Variants in YBX2 observed in about 807,000 individuals in gnomAD.
YBX2 encodes the protein Y-box binding protein 2, also known as Y-box-binding protein 2.
Under a neutral mutation model 44.4 loss-of-function variants are expected in YBX2, and 5 were observed. The observed-to-expected ratio is 0.11, with a 90% confidence interval of 0.06 to 0.24. YBX2 has a LOEUF of 0.24. Among genes scored for constraint, YBX2 ranks in the 10% least tolerant of loss-of-function variants. The probability of loss-of-function intolerance (pLI) is 1.00; values close to 1 mark genes in which losing one functional copy is unlikely to be tolerated. For synonymous variants in YBX2, 188 were observed against 216.1 expected (o/e 0.87, Z 1.14); for missense variants, 417 against 526.9 (o/e 0.79, Z 2.04).
intron 2 of YBX2, 185 bp downstream of exon 2, chr17:7,293,290 G>T: frequency 9.6e-7 from 1 of 1,044,650 alleles, no homozygotes; most frequent in Non-Finnish European, 1.4e-6. Context: ...CCTTGAAGAT[G>T]CGGAGGAGGC....
intron 7 of YBX2, 89 bp from the exon 8 acceptor site, chr17:7,288,927 A>G: frequency 6.5e-7 from 1 of 1,529,800 alleles, no homozygotes; most frequent in Non-Finnish European, 9.0e-7. Flanking sequence ...CAGTGGCGTG[A>G]TCTTGGCTCA....
intron 1 of YBX2, chr17:7,293,842 G>A: frequency 1.8e-6 from 1 of 552,258 alleles, no homozygotes; most frequent in Non-Finnish European, 3.2e-6. Flanking sequence ...TCTGCAAAGT[G>A]CCGCCCCCAG....
chr17:7,290,203 C>T lies in YBX2; in HGVS notation c.744+48G>A, dbSNP rs768874290. On this transcript the variant is annotated intron_variant, in intron 5 of 8. Transcript: ENST00000007699. ...ATGGTCTCTATCCTAACTCCCACTCCTCTCCTGAACTTGGGGAACTGGCTC... is the reference window on the plus strand; with the variant it reads ...ATGGTCTCTATCCTAACTCCCACTCTTCTCCTGAACTTGGGGAACTGGCTC... 6.2e-6 allele frequency: 10 copies of T among 1,607,410 alleles called. No individual in the cohort carries two copies. In the African/African-American group the frequency reaches 1.1e-4, roughly 17 times the overall value.
chr17:7,293,344 T>C (rs1350856019), intron 2 of YBX2, 131 bp downstream of exon 2: 1 of 1,519,784 alleles, frequency 6.6e-7, no homozygotes, highest in African/African-American at 1.4e-5. Context: ...GGTTAAAGGC[T>C]TTCAACCAGC....
intron 2 of YBX2, chr17:7,292,348 C>T (rs373507067): frequency 3.2e-5 from 14 of 433,748 alleles, no homozygotes; most frequent in African/African-American, 1.8e-4. Flanking sequence ...CTGCCCCTGC[C>T]GGGACTCCAC....
chr17:7,292,064 A>C lies in YBX2; in HGVS notation c.336-5T>G. On this transcript the variant is annotated splice_region_variant and splice_polypyrimidine_tract_variant and intron_variant, in intron 2 of 8. Transcript: ENST00000007699. The stretch of plus-strand genomic sequence containing the variant: ...ACATCTTCCTTGGTGTCATTCCTGC[A>C]GAACAGGATGGGTCGTTAAGGAAGG... 1 of 1,614,138 alleles carries C rather than the reference A, an allele frequency of 6.2e-7. No individual in the cohort carries two copies. The highest frequency in any genetic ancestry group is 8.5e-7 in the Non-Finnish European group (1 of 1,180,000).
Position 7,291,987 on chromosome 17 carries a change from G to A in YBX2, c.369+39C>T, listed in dbSNP as rs769391067. 11 of 1,613,604 alleles carry A rather than the reference G, an allele frequency of 6.8e-6. No homozygotes were observed. Among genetic ancestry groups the A allele is most frequent in the Admixed American group, 1.7e-5 (1 of 60,002 alleles). On this transcript the variant is annotated intron_variant, in intron 3 of 8. Transcript: ENST00000007699. This position sits in a 1 kb window ranked among gnomAD's most constrained non-coding sequence, Gnocchi z 5.8. ...GATTACAGCAAAGGCCTTCAAAGAC[G>A]GCCGGTTCTTCCCCTCAGAAAGCTA...
chr17:7,293,670 C>T (rs1399080092), intron 1 of YBX2, 132 bp from the exon 2 acceptor site: 5 of 1,529,620 alleles, frequency 3.3e-6, no homozygotes, highest in Non-Finnish European at 4.4e-6. Context: ...ACCTTCAAGC[C>T]AACCAGGTTT....
rs1489648050 is a variant in YBX2 at position 7,288,344 on chromosome 17, A to T, written c.*339T>A. 1 of 175,898 alleles carries T rather than the reference A, an allele frequency of 5.7e-6. No homozygotes were observed. Among genetic ancestry groups the T allele is most frequent in the Non-Finnish European group, 1.2e-5 (1 of 81,898 alleles). The allele number at this position is 175,898 out of a possible 1,614,324, so 10.9% of individuals were successfully genotyped here. ...TTCAGAGGTAGGGGGCCGGGGGAAA[A>T]CAAAAATAAACTTGGGGTGGGGGCA... On this transcript the variant is annotated 3_prime_UTR_variant, in exon 9 of 9. Transcript: ENST00000007699.
chr17:7,288,706 C>A lies in YBX2; in HGVS notation c.*39+43G>T, dbSNP rs180915454. On this transcript the variant is annotated intron_variant, in intron 8 of 8. Transcript: ENST00000007699. Reference sequence around the variant, plus strand: ...AGCGACTTGTCATCGCCACCCAGTACCTCACCTTCCTGGCCACCCACCCAA... The same window carrying A: ...AGCGACTTGTCATCGCCACCCAGTAACTCACCTTCCTGGCCACCCACCCAA... 4.6e-6 allele frequency: 7 copies of A among 1,534,786 alleles called. No individual in the cohort carries two copies. The East Asian group carries it at 1.3e-4, about 30-fold the overall frequency.
At position 7,289,855 on chromosome 17, in the gene YBX2, T is replaced by C. The variant is rs529123159; in HGVS notation, c.848+113A>G. ...GCACTGCCTCCCCGCAAGGCACCTG[T>C]CTCGCCAGGAGCCCAGGCTCTGCCT... is the stretch of plus-strand genomic sequence containing the variant. On this transcript the variant is annotated intron_variant, in intron 6 of 8. Coordinates refer to ENST00000007699, the MANE Select transcript of YBX2 (RefSeq NM_015982.4). 1.7e-5 allele frequency: 27 copies of C among 1,581,690 alleles called. No homozygotes were observed. The Admixed American group carries it at 3.3e-4, about 19-fold the overall frequency.
chr17:7,289,599 G>A lies in YBX2; in HGVS notation c.975C>T (p.Phe325=). The A allele has an allele frequency of 6.2e-7, 1 of 1,613,122 alleles. No individual in the cohort carries two copies. ...EPQRPRNRPY[F]QRRRQQAPGP... Reference sequence around the variant, plus strand: ...CAGGGGCCTGCTGCCGTCTCCGCTGGAAGTAGGGGCGGTTTCGTGGGCGCT... The same window carrying A: ...CAGGGGCCTGCTGCCGTCTCCGCTGAAAGTAGGGGCGGTTTCGTGGGCGCT... Residue 325 remains phenylalanine (F), a synonymous_variant, in exon 7 of 9, where the codon TTC becomes TTT. Coordinates refer to ENST00000007699, the MANE Select transcript of YBX2 (RefSeq NM_015982.4).
chr17:7,292,003 C>G (rs1257372454), intron 3 of YBX2, 23 bp downstream of exon 3: 2 of 1,614,176 alleles, frequency 1.2e-6, no homozygotes, highest in African/African-American at 1.3e-5. Context: ...TTCTTCCCCT[C>G]AGAAAGCTAA....
In YBX2 at chr17:7,290,290, C is replaced by A; in HGVS notation, c.705G>T (p.Val235=). The change falls in exon 5 of 9, where the codon GTG becomes GTT. Residue 235 remains valine (V), a synonymous_variant. Transcript: ENST00000007699. ...PPPFFYRRRF[V]RGPRPPNQQQ... ...GCTGGTTGGGAGGCCGGGGGCCTCGCACAAACCGCCGTCGGTAGAAGAAGG... is the reference window on the plus strand; with the variant it reads ...GCTGGTTGGGAGGCCGGGGGCCTCGAACAAACCGCCGTCGGTAGAAGAAGG... 6.2e-7 allele frequency: 1 copy of A among 1,613,462 alleles called. No homozygotes were observed. Among genetic ancestry groups the A allele is most frequent in the Non-Finnish European group, 8.5e-7 (1 of 1,179,800 alleles).
intron 2 of YBX2, 32 bp downstream of exon 2, chr17:7,293,443 C>T: frequency 6.2e-7 from 1 of 1,613,840 alleles, no homozygotes; most frequent in Non-Finnish European, 8.5e-7. Context: ...GGAAGACACC[C>T]ATTCCACCCC....
At chr17:7,289,149 A>G (rs1460717730) in intron 7 of YBX2, among the ~76,000 whole-genome samples, 1 of 152,186 alleles carries the variant, frequency 6.6e-6, no homozygotes, top group Non-Finnish European at 1.5e-5. Flanking sequence ...GGCATGAGAC[A>G]TCGCGCAGGG....
rs1243421177 is a variant in YBX2, at chr17:7,291,245, C to G, written c.370-63G>C. ...AAGACAGGAGTCTCTGTCACCCCTG[C>G]TGGGGCCACCACCCAATTTCATTCT... On this transcript the variant is annotated intron_variant, in intron 3 of 8. Coordinates refer to ENST00000007699, the MANE Select transcript of YBX2 (RefSeq NM_015982.4). This position sits in a 1 kb window ranked among gnomAD's most constrained non-coding sequence, Gnocchi z 5.8. The G allele has an allele frequency of 6.7e-7, 1 of 1,488,380 alleles. No homozygotes were observed. Among genetic ancestry groups the G allele is most frequent in the Non-Finnish European group, 9.4e-7 (1 of 1,067,828 alleles). 92.2% of individuals were successfully genotyped at this position (1,488,380 alleles called of 1,614,324 possible).
In YBX2 at chr17:7,291,610, G is replaced by A. The variant is rs935091216; in HGVS notation, c.369+416C>T. 7.9e-6 allele frequency: 3 copies of A among 379,272 alleles called. No individual in the cohort carries two copies. The highest frequency in any genetic ancestry group is 2.3e-5 in the South Asian group (1 of 43,144). The allele number at this position is 379,272 out of a possible 1,614,324, so 23.5% of individuals were successfully genotyped here. On this transcript the variant is annotated intron_variant, in intron 3 of 8. Coordinates refer to ENST00000007699, the MANE Select transcript of YBX2 (RefSeq NM_015982.4). The surrounding 1 kb of genome is among the most constrained non-coding windows in gnomAD (Gnocchi z 5.8). The stretch of plus-strand genomic sequence containing the variant: ...TGCATCAGAATCACCTGGAGAGCTC[G>A]TTAAACCGATTGTGGAGCCCCAGCC...
intron 8 of YBX2, 29 bp from the exon 9 acceptor site, chr17:7,288,672 G>T: frequency 8.0e-7 from 1 of 1,246,014 alleles, no homozygotes. Context: ...TGGACGGATT[G>T]TGAACAACAG....
Sources: allele counts gnomAD v4.1 joint callset (sites outside exome capture counted in the v4.1 genomes callset), GRCh38; gene constraint gnomAD v4.1.1; non-coding constraint Gnocchi (gnomAD v3.1); transcripts MANE v1.5; gene names NCBI Gene and HGNC (gene_info 2026-07-23, HGNC 2026-07-21).